Variants in CSMD1 observed in about 807,000 individuals in gnomAD.
CSMD1 encodes the protein CUB and Sushi multiple domains 1.
A neutral mutation model predicts 417.5 loss-of-function variants in CSMD1; 213 were observed. That is an observed-to-expected ratio of 0.51 (90% confidence interval 0.46 to 0.57). The LOEUF is 0.57. Ranked by LOEUF, CSMD1 falls within the 20% of genes least tolerant of loss-of-function variation. CSMD1 has a pLI of 0.00. For missense variants in CSMD1, 6,923 were observed against 4,529.7 expected, an observed-to-expected ratio of 1.53 and a Z score of -15.17; for synonymous variants, 2,862 against 1,736.8, an observed-to-expected ratio of 1.65 and a Z score of -16.11.
intron 12 of CSMD1, among the ~76,000 whole-genome samples, chr8:3,410,713 G>C (rs569844761): frequency 6.6e-6 from 1 of 152,118 alleles, no homozygotes; most frequent in Non-Finnish European, 1.5e-5. Flanking sequence ...TAATACAGGG[G>C]TTATGTTTTA....
chr8:3,456,659 G>A (rs1271220876), intron 12 of CSMD1, among the ~76,000 whole-genome samples: 1 of 152,078 alleles, frequency 6.6e-6, no homozygotes, highest in East Asian at 1.9e-4. Flanking sequence ...ATCAGAGGTG[G>A]CAATCACATC....
chr8:4,324,735 A>C (rs1799459323), intron 3 of CSMD1, among the ~76,000 whole-genome samples: 2 of 152,202 alleles, frequency 1.3e-5, no homozygotes, highest in Admixed American at 1.3e-4. Context: ...ATATGGATGA[A>C]GGGTTTCAGT....
Position 3,118,540 on chromosome 8 carries a change from A to T in CSMD1, c.6289T>A (p.Tyr2097Asn), listed in dbSNP as rs1175915677. 1 of 1,613,912 alleles carries T rather than the reference A, an allele frequency of 6.2e-7. No homozygotes were observed. Among genetic ancestry groups the T allele is most frequent in the Non-Finnish European group, 8.5e-7 (1 of 1,179,852 alleles). Residue 2097 changes from tyrosine to asparagine, a missense_variant, in exon 42 of 70, where the codon TAC becomes AAC. Physicochemically the swap from Tyr to Asn is moderately radical, Grantham distance 143 (BLOSUM62 -2). Coordinates refer to ENST00000635120, the MANE Select transcript of CSMD1 (RefSeq NM_033225.6). ...CPDPPPFQNG[Y>N]MINSDYSVGQ... ...ACGCTGTAATCCGAGTTGATCATGT[A>T]CCCATTCTGAAATGGGGGTGGATCT...
At chr8:4,589,436 A>G (rs1799877789) in intron 2 of CSMD1, among the ~76,000 whole-genome samples, 1 of 152,160 alleles carries the variant, frequency 6.6e-6, no homozygotes, top group Non-Finnish European at 1.5e-5. Context: ...TTTTACCAAT[A>G]CTAAGAATTA....
intron 4 of CSMD1, among the ~76,000 whole-genome samples, chr8:4,004,780 T>C (rs1252792204): frequency 6.6e-6 from 1 of 152,202 alleles, no homozygotes; most frequent in Non-Finnish European, 1.5e-5. Flanking sequence ...CGTCTCACTC[T>C]GTTGCCCAGG....
chr8:4,488,974 C>T (rs148111586), intron 2 of CSMD1, among the ~76,000 whole-genome samples: 191 of 152,248 alleles, frequency 1.3e-3, no homozygotes, highest in African/African-American at 4.5e-3. Context: ...TGCAGTGGCG[C>T]GATCTTGGCT....
chr8:4,515,792 C>T (rs1012527794), intron 2 of CSMD1, among the ~76,000 whole-genome samples: 3 of 152,156 alleles, frequency 2.0e-5, no homozygotes, highest in Admixed American at 2.0e-4. Flanking sequence ...CCAAAGACGG[C>T]CTGTGTGCAC....
At chr8:4,302,508 G>T (rs982430070) in intron 3 of CSMD1, among the ~76,000 whole-genome samples, 1 of 152,242 alleles carries the variant, frequency 6.6e-6, no homozygotes. Context: ...CCACAGTAGC[G>T]TGCTTGCATG....
At chr8:4,636,911 A>C (rs571415505) in intron 2 of CSMD1, among the ~76,000 whole-genome samples, 18 of 152,210 alleles carry the variant, frequency 1.2e-4, no homozygotes, top group African/African-American at 3.9e-4. Flanking sequence ...AAAACACACC[A>C]ATCAGCGCTC....
At chr8:3,954,884 G>C (rs1407861003) in intron 5 of CSMD1, among the ~76,000 whole-genome samples, 1 of 152,178 alleles carries the variant, frequency 6.6e-6, no homozygotes. Flanking sequence ...TATTCTGGTG[G>C]AGGGTACGTG....
rs145262931 is a variant in CSMD1, at chr8:4,742,552, G to A, written c.86-104994C>T. On this transcript the variant is annotated intron_variant, in intron 1 of 69. Coordinates refer to ENST00000635120, the MANE Select transcript of CSMD1 (RefSeq NM_033225.6). ...AATATATTATTTAAATTAAAAATCT[G>A]AGCATGTAAGAGAAATGTTTTTTTA... 1.3e-3 allele frequency among the ~76,000 whole-genome samples: 198 copies of A among 151,986 alleles called. 2 individuals carry two copies. The highest frequency in any genetic ancestry group is 4.6e-3 in the African/African-American group (190 of 41,528).
At chr8:3,409,694 CT>C in intron 12 of CSMD1, 89 bp from the exon 13 acceptor site, 1 of 1,035,668 alleles carries the variant, frequency 9.7e-7, no homozygotes. Context: ...TACGTGGCTT[CT>C]TTTTGCTGAA....
At chr8:3,686,700 C>A (rs1799960954) in intron 7 of CSMD1, among the ~76,000 whole-genome samples, 2 of 152,292 alleles carry the variant, frequency 1.3e-5, no homozygotes, top group East Asian at 1.9e-4. Context: ...CGATCCCTTA[C>A]CCTCGCCCAA....
intron 5 of CSMD1, among the ~76,000 whole-genome samples, chr8:3,783,893 T>A (rs1799311173): frequency 7.4e-6 from 1 of 135,058 alleles, no homozygotes; most frequent in South Asian, 2.7e-4. Context: ...TCGGCCATGG[T>A]TGTGGTGCAG....
At chr8:3,397,370 C>T (rs577253305) in intron 16 of CSMD1, among the ~76,000 whole-genome samples, 3 of 152,108 alleles carry the variant, frequency 2.0e-5, no homozygotes, top group Admixed American at 6.6e-5. Context: ...CAACAGAAAA[C>T]GATGTTGAAA....
intron 6 of CSMD1, among the ~76,000 whole-genome samples, chr8:3,746,854 TG>T (rs1179000295): frequency 6.6e-6 from 1 of 152,044 alleles, no homozygotes; most frequent in Non-Finnish European, 1.5e-5. Context: ...GTCAATAGGG[TG>T]GGGCTAAGAA....
chr8:3,393,221 G>A lies in CSMD1; in HGVS notation c.2593+2973C>T, dbSNP rs890972880. Reference sequence around the variant, plus strand: ...ATATGCAAGTCTAGATGTGTGTTTAGAGCAGTGAGCCTTTGAAGTCACAGT... The same window carrying A: ...ATATGCAAGTCTAGATGTGTGTTTAAAGCAGTGAGCCTTTGAAGTCACAGT... On this transcript the variant is annotated intron_variant, in intron 17 of 69. Transcript: ENST00000635120. 1.3e-5 allele frequency among the ~76,000 whole-genome samples: 2 copies of A among 152,268 alleles called. 1 individual carries two copies. The highest frequency in any genetic ancestry group is 6.8e-3 in the Middle Eastern group (2 of 294).
intron 1 of CSMD1, among the ~76,000 whole-genome samples, chr8:4,992,600 A>T (rs577015137): frequency 1.3e-5 from 2 of 152,224 alleles, no homozygotes; most frequent in Non-Finnish European, 2.9e-5. Flanking sequence ...GCTGCGACAC[A>T]CACGCCCCAG....
chr8:4,743,523 G>C (rs774208161), intron 1 of CSMD1, among the ~76,000 whole-genome samples: 21 of 152,150 alleles, frequency 1.4e-4, no homozygotes, highest in Non-Finnish European at 2.6e-4. Flanking sequence ...TTGAGTTCAT[G>C]ATGTTCTTTC....
Sources: allele counts gnomAD v4.1 joint callset (sites outside exome capture counted in the v4.1 genomes callset), GRCh38; gene constraint gnomAD v4.1.1; transcripts MANE v1.5; gene names NCBI Gene and HGNC (gene_info 2026-07-23, HGNC 2026-07-21).